The following RPH3A variants were observed in gnomAD, a reference collection of about 807,000 sequenced individuals.
RPH3A encodes rabphilin-3A.
In RPH3A, 48 loss-of-function variants were observed where a neutral mutation model predicts 102.2. The observed-to-expected ratio is 0.47, with a 90% CI of 0.37 to 0.60. RPH3A has a LOEUF of 0.60. RPH3A is among the 20% of genes least tolerant of loss of function. The probability of loss-of-function intolerance (pLI) is 0.00; values close to 1 mark genes in which losing one functional copy is unlikely to be tolerated. For synonymous variants in RPH3A, 310 were observed against 324.3 expected, an observed-to-expected ratio of 0.96 and a Z score of 0.47; for missense variants, 781 against 910.1, an observed-to-expected ratio of 0.86 and a Z score of 1.83.
At chr12:112,889,982 T>C (rs368259966) in intron 17 of RPH3A, 42 bp from the exon 18 acceptor site, 5 of 1,584,774 alleles carry the variant, frequency 3.2e-6, no homozygotes, top group Non-Finnish European at 3.5e-6. Flanking sequence ...GAAGATGAGC[T>C]CCATAGACAA....
upstream of RPH3A, among the ~76,000 whole-genome samples, chr12:112,790,543 C>A (rs1276605736): frequency 6.6e-6 from 1 of 152,168 alleles, no homozygotes; most frequent in Non-Finnish European, 1.5e-5. Context: ...AAGTTCTAAG[C>A]AGATCTTGGT....
intron 1 of RPH3A, among the ~76,000 whole-genome samples, chr12:112,731,446 A>T (rs944815018): frequency 6.6e-6 from 1 of 152,220 alleles, no homozygotes; most frequent in South Asian, 2.1e-4. Context: ...GAGCCTCAAT[A>T]AATGTCCAGC....
chr12:112,812,265 G>C (rs2041591487), intron 2 of RPH3A, among the ~76,000 whole-genome samples: 2 of 152,250 alleles, frequency 1.3e-5, no homozygotes, highest in East Asian at 1.9e-4. Context: ...CTGAGGGAAA[G>C]GATGGCTCCT....
At chr12:112,833,928 A>G (rs549378323) in intron 3 of RPH3A, among the ~76,000 whole-genome samples, 1 of 152,156 alleles carries the variant, frequency 6.6e-6, no homozygotes, top group African/African-American at 2.4e-5. Flanking sequence ...AGGTCTTGCT[A>G]TGTTGCCCAG....
intron 5 of RPH3A, among the ~76,000 whole-genome samples, chr12:112,850,431 C>A (rs2042304436): frequency 6.6e-6 from 1 of 152,050 alleles, no homozygotes; most frequent in Non-Finnish European, 1.5e-5. Flanking sequence ...TCTAGCAGCC[C>A]CTGGCTTCCC....
At chr12:112,600,374 G>A (rs888299363) in intron 1 of RPH3A, among the ~76,000 whole-genome samples, 5 of 152,150 alleles carry the variant, frequency 3.3e-5, no homozygotes, top group Non-Finnish European at 7.3e-5. Flanking sequence ...TTTACTGAGA[G>A]CTCACTGCCT....
chr12:112,715,409 T>C (rs1739105192), intron 1 of RPH3A, among the ~76,000 whole-genome samples: 1 of 152,166 alleles, frequency 6.6e-6, no homozygotes, highest in Non-Finnish European at 1.5e-5. Flanking sequence ...CTTATTTATG[T>C]ATTGCCTTTT....
chr12:112,687,525 AG>A (rs2136020028), intron 1 of RPH3A, among the ~76,000 whole-genome samples: 1 of 152,334 alleles, frequency 6.6e-6, no homozygotes, highest in South Asian at 2.1e-4. Context: ...TTAGTTGGTC[AG>A]GGAGAAGGAG....
chr12:112,773,710 A>G lies in RPH3A; in HGVS notation c.-139-18433A>G, dbSNP rs888155962. On this transcript the variant is annotated intron_variant, in intron 1 of 21. Transcript: ENST00000543106. ...TTGCCTACCTCACCAATGGGCCACAATGAGAGGTGGGGGTGGGAGCAGGAC... is the reference window on the plus strand; with the variant it reads ...TTGCCTACCTCACCAATGGGCCACAGTGAGAGGTGGGGGTGGGAGCAGGAC... Among the ~76,000 whole-genome samples, 75 of 148,910 alleles carry G rather than the reference A, an allele frequency of 5.0e-4. 3 individuals carry two copies. Among genetic ancestry groups the G allele is most frequent in the Non-Finnish European group, 6.0e-5 (4 of 66,968 alleles).
chr12:112,692,600 G>A (rs910279915), intron 1 of RPH3A, among the ~76,000 whole-genome samples: 2 of 151,960 alleles, frequency 1.3e-5, no homozygotes, highest in East Asian at 1.9e-4. Context: ...CAGAGCCTGG[G>A]GGTGAACACC....
Position 112,765,559 on chromosome 12 carries a change from G to A in RPH3A, c.-139-26584G>A, listed in dbSNP as rs145112174. 2.9e-3 allele frequency among the ~76,000 whole-genome samples: 440 copies of A among 152,226 alleles called. 1 individual carries two copies. The highest frequency in any genetic ancestry group is 9.6e-3 in the African/African-American group (400 of 41,518). On this transcript the variant is annotated intron_variant, in intron 1 of 21. Transcript: ENST00000543106. ...CATATTACATTGTGGTCTTGCATAA[G>A]GGCCTTAGCATTTCTGAGCCTTGAT...
At chr12:112,882,610 C>T (rs939558917) in intron 15 of RPH3A, among the ~76,000 whole-genome samples, 3 of 152,238 alleles carry the variant, frequency 2.0e-5, no homozygotes, top group African/African-American at 7.2e-5. Context: ...CTTTGTCTCA[C>T]TCTTTTCTTT....
intron 2 of RPH3A, among the ~76,000 whole-genome samples, chr12:112,802,591 G>T (rs1392336743): frequency 6.6e-6 from 1 of 152,066 alleles, no homozygotes; most frequent in African/African-American, 2.4e-5. Flanking sequence ...AGGGGGTATG[G>T]TGCGAGCATG....
upstream of RPH3A, among the ~76,000 whole-genome samples, chr12:112,789,280 A>G (rs2041072494): frequency 6.6e-6 from 1 of 152,180 alleles, no homozygotes; most frequent in Non-Finnish European, 1.5e-5. Flanking sequence ...GCTACTTCCT[A>G]GCTCTTTGAT....
intron 1 of RPH3A, among the ~76,000 whole-genome samples, chr12:112,651,139 C>T (rs1010426221): frequency 4.0e-5 from 6 of 151,772 alleles, no homozygotes; most frequent in Non-Finnish European, 5.9e-5. Flanking sequence ...ACGGGTGGAT[C>T]GCTTGAGCTC....
At chr12:112,642,300 G>A (rs2039895977) in intron 1 of RPH3A, among the ~76,000 whole-genome samples, 1 of 152,150 alleles carries the variant, frequency 6.6e-6, no homozygotes, top group Admixed American at 6.6e-5. Context: ...AGCAGGTGAG[G>A]AAACTAAAGT....
At chr12:112,685,395 G>A (rs569096679) in intron 1 of RPH3A, among the ~76,000 whole-genome samples, 1 of 152,270 alleles carries the variant, frequency 6.6e-6, no homozygotes, top group South Asian at 2.1e-4. Context: ...AGGGATAATT[G>A]TACTTAGTAA....
intron 1 of RPH3A, among the ~76,000 whole-genome samples, chr12:112,748,136 C>T (rs540688130): frequency 6.6e-6 from 1 of 152,166 alleles, no homozygotes; most frequent in African/African-American, 2.4e-5. Flanking sequence ...CATCTGGGTG[C>T]CTGCATGAAT....
chr12:112,859,945 T>G (rs1029606654), intron 5 of RPH3A, among the ~76,000 whole-genome samples: 5 of 152,232 alleles, frequency 3.3e-5, no homozygotes, highest in Non-Finnish European at 7.3e-5. Context: ...TGAGAAGGTT[T>G]AGAGTCAGGG....
Sources: gnomAD v4.1 joint callset for allele counts (sites outside exome capture counted in the v4.1 genomes callset) on GRCh38, gnomAD v4.1.1 for gene constraint, MANE v1.5 for transcripts, NCBI Gene and HGNC (gene_info 2026-07-23, HGNC 2026-07-21) for gene names.